Variants in ERAP1 observed in about 807,000 individuals in gnomAD.
ERAP1 encodes endoplasmic reticulum aminopeptidase 1.
In ERAP1, 86 loss-of-function variants were observed where a neutral mutation model predicts 103.7. That is an observed-to-expected ratio of 0.83 (90% CI 0.70 to 0.99). The LOEUF (loss-of-function observed/expected upper bound fraction) is 0.99. Among genes scored for constraint, ERAP1 ranks in the 50% least tolerant of loss-of-function variants. The pLI, the probability that ERAP1 is intolerant of heterozygous loss-of-function variation, is 0.00. For synonymous variants in ERAP1, 398 were observed against 402.4 expected (o/e 0.99, Z 0.13); for missense variants, 1,009 against 1,128.4 (o/e 0.89, Z 1.52).
the ERAP1 span, chr5:96,881,207 T>A: frequency 2.9e-6 from 1 of 347,740 alleles, no homozygotes; most frequent in South Asian, 2.1e-5. Context: ...TTATGCTTTA[T>A]AAAGATCAAG....
chr5:96,885,129 C>T, the ERAP1 span, among the ~76,000 whole-genome samples: 1 of 152,210 alleles, frequency 6.6e-6, no homozygotes, highest in African/African-American at 2.4e-5. Context: ...CGCCCATTTG[C>T]CTCCGAACCA....
At chr5:96,871,426 T>A in the ERAP1 span, among the ~76,000 whole-genome samples, 2 of 152,222 alleles carry the variant, frequency 1.3e-5, no homozygotes, top group African/African-American at 2.4e-5. Context: ...TTTTTTTAGA[T>A]CTTTTAGTTA....
chr5:96,932,318 T>A, the ERAP1 span, among the ~76,000 whole-genome samples: 4 of 152,248 alleles, frequency 2.6e-5, no homozygotes, highest in Non-Finnish European at 5.9e-5. Context: ...ATGTGTTCAA[T>A]GAATTAATGT....
chr5:96,887,437 A>G, the ERAP1 span, among the ~76,000 whole-genome samples: 1 of 151,818 alleles, frequency 6.6e-6, no homozygotes, highest in Non-Finnish European at 1.5e-5. Context: ...AGTAGCTGGG[A>G]CTACAAACAC....
chr5:96,915,015 TA>T, the ERAP1 span, among the ~76,000 whole-genome samples: 1 of 152,148 alleles, frequency 6.6e-6, no homozygotes, highest in Non-Finnish European at 1.5e-5. Context: ...TTAATTAATT[TA>T]TTTTTTTTGA....
At chr5:96,867,496 AGGGTGGCG>A in the ERAP1 span, among the ~76,000 whole-genome samples, 1 of 152,150 alleles carries the variant, frequency 6.6e-6, no homozygotes, top group Non-Finnish European at 1.5e-5. Flanking sequence ...GAATTCTTGA[AGGGTGGCG>A]TTGGGATGAT....
chr5:96,774,918 C>CCAAT lies in ERAP1; in HGVS notation c.*1474_*1477dup, dbSNP rs556918309. 867 of 985,394 alleles carry CCAAT rather than the reference C, an allele frequency of 8.8e-4. 1 individual carries two copies. The highest frequency in any genetic ancestry group is 1.1e-3 in the Admixed American group (18 of 16,284). 61.0% of individuals were successfully genotyped at this position (985,394 alleles called of 1,614,324 possible). ...GGAACACATTTTGACATTTTTCGTA[C>CCAAT]CAATCATCAATCATATTCCCTTATC... On this transcript the variant is annotated 3_prime_UTR_variant, in exon 19 of 19. Coordinates refer to ENST00000443439, the MANE Select transcript of ERAP1 (RefSeq NM_001040458.3).
At chr5:96,848,728 T>C in the ERAP1 span, 4 of 152,118 alleles carry the variant, frequency 2.6e-5, no homozygotes, top group Non-Finnish European at 5.9e-5. Flanking sequence ...ATACCACTCC[T>C]TCTCAAACTC....
At chr5:96,836,726 T>G in the ERAP1 span, among the ~76,000 whole-genome samples, 4 of 152,214 alleles carry the variant, frequency 2.6e-5, no homozygotes, top group African/African-American at 9.6e-5. Context: ...GGAATAAAAC[T>G]GATGCTGAAT....
chr5:96,828,686 T>C, the ERAP1 span, among the ~76,000 whole-genome samples: 8 of 152,126 alleles, frequency 5.3e-5, no homozygotes, highest in Non-Finnish European at 8.8e-5. Flanking sequence ...CCTGGACATA[T>C]GGGAATTTGC....
the ERAP1 span, chr5:96,900,040 T>A: frequency 1.4e-6 from 2 of 1,472,978 alleles, no homozygotes; most frequent in Non-Finnish European, 1.9e-6. Flanking sequence ...TTTTAATAAA[T>A]GCCTGCATCC....
At chr5:96,845,731 G>T in the ERAP1 span, among the ~76,000 whole-genome samples, 1 of 142,296 alleles carries the variant, frequency 7.0e-6, no homozygotes, top group East Asian at 2.0e-4. Context: ...CACTCCTTCT[G>T]GTCCTCTATT....
chr5:96,764,385 G>A (rs1769065109), intron 19 of ERAP1, among the ~76,000 whole-genome samples: 1 of 152,178 alleles, frequency 6.6e-6, no homozygotes, highest in Non-Finnish European at 1.5e-5. Flanking sequence ...ATAAATGTTA[G>A]AGGAAATAAG....
the ERAP1 span, chr5:96,879,666 T>A: frequency 3.1e-6 from 5 of 1,603,626 alleles, no homozygotes; most frequent in Non-Finnish European, 4.3e-6. Flanking sequence ...TATTAACTTG[T>A]CTTCTAGAGA....
upstream of ERAP1, among the ~76,000 whole-genome samples, chr5:96,808,432 G>A (rs1190320421): frequency 1.1e-4 from 16 of 152,062 alleles, no homozygotes; most frequent in African/African-American, 3.9e-4. Flanking sequence ...CTGGGTGTCC[G>A]TCATCTCGCC....
Position 96,785,939 on chromosome 5 carries a change from T to C in ERAP1, c.1792A>G (p.Ile598Val). 6.2e-7 allele frequency: 1 copy of C among 1,614,184 alleles called. No individual in the cohort carries two copies. Among genetic ancestry groups the C allele is most frequent in the Non-Finnish European group, 8.5e-7 (1 of 1,180,036 alleles). The change falls in exon 13 of 19, where the codon ATC becomes GTC. Residue 598 changes from isoleucine to valine, a missense_variant. Coordinates refer to ENST00000443439, the MANE Select transcript of ERAP1 (RefSeq NM_001040458.3). ...VLILPEEVEW[I>V]KFNVGMNGYY... ...CCATTCATGCCCACATTAAATTTGA[T>C]CCATTCCACCTCTTCTGGGAGGATG...
At chr5:96,893,616 C>G in the ERAP1 span, among the ~76,000 whole-genome samples, 1 of 152,170 alleles carries the variant, frequency 6.6e-6, no homozygotes, top group Non-Finnish European at 1.5e-5. Context: ...AGGCTCCATG[C>G]TCCCTCTGGC....
chr5:96,819,184 A>T, the ERAP1 span, among the ~76,000 whole-genome samples: 6 of 152,260 alleles, frequency 3.9e-5, no homozygotes, highest in South Asian at 1.2e-3. Flanking sequence ...TCGGCCTCCC[A>T]ATGTGCTGGG....
In ERAP1 at chr5:96,781,916, T is replaced by C. The variant is rs181719430; in HGVS notation, c.2286-62A>G. ...GCAGTAAGTATGTTTAGAGGCATAATGGTGACTAACTATGAACTGCTGAAC... is the reference window on the plus strand; with the variant it reads ...GCAGTAAGTATGTTTAGAGGCATAACGGTGACTAACTATGAACTGCTGAAC... On this transcript the variant is annotated intron_variant, in intron 15 of 18. Transcript: ENST00000443439. 719 of 1,543,478 alleles carry C rather than the reference T, an allele frequency of 4.7e-4. 7 individuals carry two copies. In the African/African-American group the frequency reaches 8.9e-3, roughly 19 times the overall value.
Sources: allele counts gnomAD v4.1 joint callset (sites outside exome capture counted in the v4.1 genomes callset), GRCh38; gene constraint gnomAD v4.1.1; transcripts MANE v1.5; gene names NCBI Gene and HGNC (gene_info 2026-07-23, HGNC 2026-07-21).